Variants in STK3 observed in about 807,000 individuals in gnomAD.
STK3 encodes serine/threonine-protein kinase 3.
Under a neutral mutation model 58.0 loss-of-function variants are expected in STK3, and 41 were observed. The observed-to-expected ratio is 0.71, with a 90% confidence interval of 0.55 to 0.92. The LOEUF is 0.92. Ranked by LOEUF, STK3 falls within the 40% of genes least tolerant of loss-of-function variation. The probability of loss-of-function intolerance (pLI) is 0.00; values close to 1 mark genes in which losing one functional copy is unlikely to be tolerated. For synonymous variants in STK3, 170 were observed against 191.0 expected, an observed-to-expected ratio of 0.89 and a Z score of 0.91; for missense variants, 479 against 602.7, an observed-to-expected ratio of 0.79 and a Z score of 2.15.
intron 3 of STK3, among the ~76,000 whole-genome samples, chr8:98,858,247 T>A (rs1836753593): frequency 7.2e-6 from 1 of 138,318 alleles, no homozygotes; most frequent in South Asian, 2.3e-4. Context: ...CCGGATGTGG[T>A]GGCATGCACC....
At position 98,612,548 on chromosome 8, in the gene STK3, C is replaced by T. The variant is rs528097497; in HGVS notation, c.685-16379G>A. Among the ~76,000 whole-genome samples the T allele has an allele frequency of 7.9e-5, 12 of 151,458 alleles. No individual in the cohort carries two copies. The South Asian group carries it at 2.3e-3, about 29-fold the overall frequency. On this transcript the variant is annotated intron_variant, in intron 6 of 10. Transcript: ENST00000419617. Reference sequence around the variant, plus strand: ...GCTAGGGATCTTGGAACCCAAGGAACATAACTGATGACTTCCCTGGATCTT... The same window carrying T: ...GCTAGGGATCTTGGAACCCAAGGAATATAACTGATGACTTCCCTGGATCTT...
rs201923235 is a variant in STK3, at chr8:98,384,429, T to TC, written n.56+3762dup. Among the ~76,000 whole-genome samples the TC allele has an allele frequency of 2.1e-3, 318 of 152,372 alleles. 6 individuals carry two copies. The East Asian group carries it at 0.036, about 17-fold the overall frequency. ...TGCTTCGTTCTTTCGTTGATTTGTT[T>TC]CTGCGTTTTGTTCAATTATTTATTC... is the stretch of plus-strand genomic sequence containing the variant. On this transcript the variant is annotated intron_variant and non_coding_transcript_variant, in intron 1 of 2. Coordinates refer to the STK3 transcript ENST00000518704.
At chr8:98,832,309 C>T (rs1835565086) in intron 3 of STK3, among the ~76,000 whole-genome samples, 1 of 150,810 alleles carries the variant, frequency 6.6e-6, no homozygotes, top group African/African-American at 2.4e-5. Context: ...CAGACACTCA[C>T]ATGCACAATA....
At chr8:98,874,043 G>A (rs992534227) in intron 3 of STK3, among the ~76,000 whole-genome samples, 1 of 152,132 alleles carries the variant, frequency 6.6e-6, no homozygotes, top group Non-Finnish European at 1.5e-5. Flanking sequence ...GCCTGGTGGT[G>A]ACAAAGTCTC....
At chr8:98,346,331 T>G in the STK3 span, among the ~76,000 whole-genome samples, 2 of 149,938 alleles carry the variant, frequency 1.3e-5, no homozygotes, top group African/African-American at 4.9e-5. Context: ...GTGGGACAAC[T>G]CCAACAGCCT....
intron 6 of STK3, among the ~76,000 whole-genome samples, chr8:98,663,680 A>G (rs1007535483): frequency 3.3e-5 from 5 of 152,350 alleles, no homozygotes; most frequent in Admixed American, 2.6e-4. Context: ...ACCATGGAAT[A>G]CTATGCAGCC....
At chr8:98,562,518 T>G (rs1449414031) in intron 8 of STK3, among the ~76,000 whole-genome samples, 1 of 150,688 alleles carries the variant, frequency 6.6e-6, no homozygotes. Context: ...TGGGGGAGAG[T>G]TGATTATGTG....
chr8:98,873,733 G>T (rs945390166), intron 3 of STK3, among the ~76,000 whole-genome samples: 21 of 151,810 alleles, frequency 1.4e-4, no homozygotes, highest in Non-Finnish European at 2.5e-4. Context: ...AGCCTATGTG[G>T]GTCTCTGCAT....
At chr8:98,779,562 G>A (rs1042777164) in intron 1 of STK3, among the ~76,000 whole-genome samples, 1 of 152,162 alleles carries the variant, frequency 6.6e-6, no homozygotes, top group Non-Finnish European at 1.5e-5. Flanking sequence ...TACAGGCTAT[G>A]TGTATAAGGT....
At chr8:98,882,276 C>A (rs570443135), downstream of STK3, 16 of 151,590 alleles carry the variant, frequency 1.1e-4, no homozygotes, top group Admixed American at 1.1e-3. Flanking sequence ...TTTGTGGGTA[C>A]GTAGTAGATG....
At chr8:98,631,527 T>C (rs765329480) in intron 6 of STK3, among the ~76,000 whole-genome samples, 1 of 152,226 alleles carries the variant, frequency 6.6e-6, no homozygotes, top group Non-Finnish European at 1.5e-5. Context: ...ATCTCTACTA[T>C]AAGTCACCTT....
At chr8:98,592,952 C>T (rs185880323) in intron 7 of STK3, among the ~76,000 whole-genome samples, 4 of 151,980 alleles carry the variant, frequency 2.6e-5, no homozygotes, top group South Asian at 2.1e-4. Flanking sequence ...TTCGTATAGA[C>T]GGGGTTTCAC....
At chr8:98,603,745 C>G (rs550338370) in intron 6 of STK3, among the ~76,000 whole-genome samples, 4 of 150,328 alleles carry the variant, frequency 2.7e-5, no homozygotes, top group Non-Finnish European at 4.4e-5. Flanking sequence ...ATGCTGGAAG[C>G]GGGGCCTGGG....
intron 1 of STK3, among the ~76,000 whole-genome samples, chr8:98,934,908 C>T (rs1044282087): frequency 4.6e-5 from 6 of 129,064 alleles, no homozygotes; most frequent in Non-Finnish European, 8.9e-5. Context: ...CAGAGCGAGA[C>T]GCCGTCTCAA....
intron 6 of STK3, among the ~76,000 whole-genome samples, chr8:98,608,830 T>C (rs1001466709): frequency 2.6e-5 from 4 of 152,216 alleles, no homozygotes; most frequent in South Asian, 2.1e-4. Flanking sequence ...CCTGACAGCC[T>C]TCTGGTCAAA....
At chr8:98,532,498 T>C (rs1268273962) in intron 9 of STK3, among the ~76,000 whole-genome samples, 1 of 152,088 alleles carries the variant, frequency 6.6e-6, no homozygotes, top group East Asian at 1.9e-4. Context: ...ATGAAAAGGT[T>C]TGAAATATTG....
chr8:98,925,224 T>C (rs1839743080), intron 1 of STK3, among the ~76,000 whole-genome samples: 1 of 152,208 alleles, frequency 6.6e-6, no homozygotes, highest in Non-Finnish European at 1.5e-5. Flanking sequence ...CCATAAGAAA[T>C]TTTTGATCTT....
At chr8:98,842,107 A>T (rs569410914) in intron 3 of STK3, among the ~76,000 whole-genome samples, 4 of 152,104 alleles carry the variant, frequency 2.6e-5, no homozygotes, top group East Asian at 3.9e-4. Context: ...TATGAATTTT[A>T]AAAAAAATAG....
intron 6 of STK3, among the ~76,000 whole-genome samples, chr8:98,696,399 T>C (rs985359841): frequency 4.6e-5 from 7 of 151,508 alleles, no homozygotes; most frequent in African/African-American, 1.5e-4. Flanking sequence ...CTATGTTGAA[T>C]AGGAGTGGTG....
Sources: gnomAD v4.1 joint callset for allele counts (sites outside exome capture counted in the v4.1 genomes callset) on GRCh38, gnomAD v4.1.1 for gene constraint, MANE v1.5 for transcripts, NCBI Gene and HGNC (gene_info 2026-07-23, HGNC 2026-07-21) for gene names.